KIAA1958: variants seen among roughly 807,000 people sequenced by gnomAD.
The protein encoded by KIAA1958 is KIAA1958.
KIAA1958 carries 14 observed loss-of-function variants against 47.2 expected under a neutral mutation model. That is an observed-to-expected ratio of 0.30 (90% CI 0.20 to 0.46). The LOEUF (loss-of-function observed/expected upper bound fraction) is 0.46. Among genes scored for constraint, KIAA1958 ranks in the 20% least tolerant of loss-of-function variants. The pLI is 1.00. For missense variants in KIAA1958, 803 were observed against 909.2 expected (o/e 0.88, Z 1.50); for synonymous variants, 354 against 353.3 (o/e 1.00, Z -0.02).
intron 2 of KIAA1958, among the ~76,000 whole-genome samples, chr9:112,583,595 G>A (rs979513957): frequency 6.6e-6 from 1 of 152,182 alleles, no homozygotes; most frequent in African/African-American, 2.4e-5. Flanking sequence ...TAGGGAAATA[G>A]ATAAATATAT....
At chr9:112,490,121 C>G (rs1391480425) in intron 1 of KIAA1958, among the ~76,000 whole-genome samples, 1 of 152,168 alleles carries the variant, frequency 6.6e-6, no homozygotes, top group African/African-American at 2.4e-5. Flanking sequence ...ATGCTGCTTG[C>G]TGAAAATGCA....
intron 1 of KIAA1958, among the ~76,000 whole-genome samples, chr9:112,492,916 C>T (rs1172269421): frequency 4.4e-5 from 5 of 114,164 alleles, no homozygotes; most frequent in Non-Finnish European, 6.8e-5. Context: ...GCCCAGCTCA[C>T]TTTTTTTTTT....
chr9:112,495,511 A>C (rs916316868), intron 1 of KIAA1958, among the ~76,000 whole-genome samples: 29 of 152,364 alleles, frequency 1.9e-4, no homozygotes, highest in African/African-American at 6.3e-4. Context: ...AGAAAGATGA[A>C]AAATACCAAG....
At position 112,618,807 on chromosome 9, in the gene KIAA1958, T is replaced by A; in HGVS notation, c.1172-26843T>A. ...GAGGCCCAGAGCAACCAGCTCGTGC[T>A]GATCTGTAACAATCTGAGCCAGCAG... is the stretch of plus-strand genomic sequence containing the variant. On this transcript the variant is annotated intron_variant, in intron 2 of 3. Transcript: ENST00000337530. The surrounding 1 kb of genome is among the most constrained non-coding windows in gnomAD (Gnocchi z 7.1). The A allele has an allele frequency of 6.4e-7, 1 of 1,550,670 alleles. No homozygotes were observed. Among genetic ancestry groups the A allele is most frequent in the Non-Finnish European group, 8.7e-7 (1 of 1,147,016 alleles).
intron 2 of KIAA1958, among the ~76,000 whole-genome samples, chr9:112,643,379 A>G (rs1836925455): frequency 6.6e-6 from 1 of 152,230 alleles, no homozygotes; most frequent in African/African-American, 2.4e-5. Flanking sequence ...TACCTTGAAA[A>G]CAGGAATAAC....
chr9:112,503,793 A>G (rs1457400874), intron 1 of KIAA1958, among the ~76,000 whole-genome samples: 2 of 152,010 alleles, frequency 1.3e-5, no homozygotes, highest in Non-Finnish European at 2.9e-5. Flanking sequence ...CAAGTAGGAA[A>G]TAGAATGATT....
rs1564159380 is a variant in KIAA1958 at position 112,525,924 on chromosome 9, CTT to C, written c.-25+38807_-25+38808del. On this transcript the variant is annotated intron_variant, in intron 1 of 3. Coordinates refer to ENST00000337530, the MANE Select transcript of KIAA1958 (RefSeq NM_133465.4). ...GAAAGCTTCATTTATATTCTTTCTT[CTT>C]CTTCTTCTTCTTCTTCTTCTTCTTC... is the stretch of plus-strand genomic sequence containing the variant. Among the ~76,000 whole-genome samples the C allele has an allele frequency of 5.5e-3, 9 of 1,628 alleles. 1 individual carries two copies. Among genetic ancestry groups the C allele is most frequent in the East Asian group, 0.05 (1 of 20 alleles). 1.1% of individuals were successfully genotyped at this position (1,628 alleles called of 152,430 possible).
chr9:112,598,799 GGT>G (rs1457787138), intron 2 of KIAA1958, among the ~76,000 whole-genome samples: 4 of 152,134 alleles, frequency 2.6e-5, no homozygotes, highest in African/African-American at 9.7e-5. Context: ...GGCCAAGCAT[GGT>G]GGCTCACACC....
chr9:112,656,616 A>G (rs1250632033), intron 3 of KIAA1958, among the ~76,000 whole-genome samples: 1 of 152,182 alleles, frequency 6.6e-6, no homozygotes, highest in Non-Finnish European at 1.5e-5. Flanking sequence ...AATATTGGTC[A>G]GATTTGGGCT....
At chr9:112,626,803 G>A (rs1482956356) in intron 2 of KIAA1958, among the ~76,000 whole-genome samples, 6 of 141,914 alleles carry the variant, frequency 4.2e-5, no homozygotes, top group Non-Finnish European at 6.1e-5. Context: ...AATAACTTTT[G>A]TTTTATAAAG....
At chr9:112,555,547 A>G (rs1030741687) in intron 1 of KIAA1958, among the ~76,000 whole-genome samples, 8 of 152,226 alleles carry the variant, frequency 5.3e-5, no homozygotes, top group African/African-American at 1.7e-4. Context: ...TAGAGGCTGG[A>G]AAGTCCAAGA....
At chr9:112,656,943 A>G (rs1307403381) in intron 3 of KIAA1958, among the ~76,000 whole-genome samples, 1 of 152,134 alleles carries the variant, frequency 6.6e-6, no homozygotes, top group Admixed American at 6.6e-5. Flanking sequence ...ATTTAGGTGT[A>G]TACACACTTC....
At chr9:112,489,266 G>C (rs1186767727) in intron 1 of KIAA1958, among the ~76,000 whole-genome samples, 1 of 152,186 alleles carries the variant, frequency 6.6e-6, no homozygotes, top group African/African-American at 2.4e-5. Context: ...ATAAGCTAAC[G>C]ATTGAATTGC....
chr9:112,545,279 G>T (rs1835008291), intron 1 of KIAA1958, among the ~76,000 whole-genome samples: 1 of 152,084 alleles, frequency 6.6e-6, no homozygotes, highest in African/African-American at 2.4e-5. Flanking sequence ...ATAATACTGT[G>T]GGTCATTGAT....
rs1835610788 is a variant in KIAA1958 at position 112,574,819 on chromosome 9, G to A, written c.739G>A (p.Val247Ile). 1 of 1,614,052 alleles carries A rather than the reference G, an allele frequency of 6.2e-7. No homozygotes were observed. Among genetic ancestry groups the A allele is most frequent in the African/African-American group, 1.3e-5 (1 of 74,924 alleles). ...KPQTHAGPSC[V>I]GSAKLIPHVT... Reference sequence around the variant, plus strand: ...TCAGACTCACGCTGGTCCCTCCTGTGTAGGGTCTGCTAAACTGATTCCCCA... The same window carrying A: ...TCAGACTCACGCTGGTCCCTCCTGTATAGGGTCTGCTAAACTGATTCCCCA... Residue 247 changes from valine (V) to isoleucine (I), a missense_variant, in exon 2 of 4, where the codon GTA (valine) becomes ATA (isoleucine). Around this residue, in one of 2 missense-constraint regions of KIAA1958, gnomAD observed 761 missense variants for 829.3 expected, o/e 0.92. Transcript: ENST00000337530.
intron 1 of KIAA1958, among the ~76,000 whole-genome samples, chr9:112,498,757 A>G (rs1316456866): frequency 6.6e-6 from 1 of 152,156 alleles, no homozygotes; most frequent in Non-Finnish European, 1.5e-5. Context: ...GGAACATTCA[A>G]AATCCTCTCT....
rs35813183 is a variant in KIAA1958 at position 112,519,364 on chromosome 9, T to C, written c.-25+32246T>C. 3.9e-3 allele frequency among the ~76,000 whole-genome samples: 600 copies of C among 152,378 alleles called. 3 individuals carry two copies. The highest frequency in any genetic ancestry group is 5.8e-3 in the Non-Finnish European group (395 of 68,042). On this transcript the variant is annotated intron_variant, in intron 1 of 3. Transcript: ENST00000337530. ...TGTTTCTTTATGATGTCTGAACTTA[T>C]GCTCATAGCTTTTCAAACTGTTTTC...
Position 112,604,427 on chromosome 9 carries a change from G to T in KIAA1958, c.1171+29176G>T, listed in dbSNP as rs1836189292. 2.0e-5 allele frequency among the ~76,000 whole-genome samples: 3 copies of T among 152,194 alleles called. No individual in the cohort carries two copies. The South Asian group carries it at 6.2e-4, about 32-fold the overall frequency. ...ATTTTCACTGTGCTGGATTTTGTGG[G>T]ATGGCTTCTCCTTTAGAGAAGCTTT... On this transcript the variant is annotated intron_variant, in intron 2 of 3. Coordinates refer to ENST00000337530, the MANE Select transcript of KIAA1958 (RefSeq NM_133465.4).
intron 1 of KIAA1958, among the ~76,000 whole-genome samples, chr9:112,553,150 C>T (rs548380631): frequency 3.6e-5 from 5 of 138,810 alleles, no homozygotes; most frequent in African/African-American, 8.0e-5. Flanking sequence ...CCCTCTGCTC[C>T]CCTCCCCTGC....
Sources: allele counts gnomAD v4.1 joint callset (sites outside exome capture counted in the v4.1 genomes callset), GRCh38; gene constraint gnomAD v4.1.1; regional missense constraint gnomAD v4.1.1; non-coding constraint Gnocchi (gnomAD v3.1); transcripts MANE v1.5; gene names NCBI Gene and HGNC (gene_info 2026-07-23, HGNC 2026-07-21).